COMMD1: variants seen among roughly 807,000 people sequenced by gnomAD.
COMMD1 encodes COMM domain-containing protein 1.
Under a neutral mutation model 17.2 loss-of-function variants are expected in COMMD1, and 10 were observed. The observed-to-expected ratio is 0.58, with a 90% CI of 0.36 to 0.99. The LOEUF (loss-of-function observed/expected upper bound fraction) is 0.99. COMMD1 is among the 50% of genes least tolerant of loss of function. The pLI is 0.01. For missense variants in COMMD1, 270 were observed against 231.8 expected (o/e 1.17, Z -1.07); for synonymous variants, 97 against 91.6 (o/e 1.06, Z -0.34).
intron 1 of COMMD1, among the ~76,000 whole-genome samples, chr2:61,920,156 A>G (rs765658106): frequency 6.6e-6 from 1 of 152,074 alleles, no homozygotes; most frequent in Non-Finnish European, 1.5e-5. Context: ...ATGTCATTTA[A>G]ATTTCCACAG....
chr2:61,931,227 A>G (rs1572974104), intron 1 of COMMD1, among the ~76,000 whole-genome samples: 1 of 152,068 alleles, frequency 6.6e-6, no homozygotes, highest in Non-Finnish European at 1.5e-5. Flanking sequence ...TGAGAGGGTC[A>G]CTTGAACCCA....
rs1421552536 is a variant in COMMD1 at position 61,961,599 on chromosome 2, A to G, written c.181-39102A>G. The stretch of plus-strand genomic sequence containing the variant: ...GTTTCCCATTTCTCACAATTCTGAG[A>G]AATCTTTTTGTATAATTTATTGGAT... On this transcript the variant is annotated intron_variant, in intron 1 of 2. Transcript: ENST00000311832. 2.0e-5 allele frequency among the ~76,000 whole-genome samples: 3 copies of G among 152,152 alleles called. No homozygotes were observed. The East Asian group carries it at 5.8e-4, about 29-fold the overall frequency.
At chr2:62,002,052 C>T (rs1668961157) in intron 2 of COMMD1, among the ~76,000 whole-genome samples, 1 of 152,104 alleles carries the variant, frequency 6.6e-6, no homozygotes, top group African/African-American at 2.4e-5. Flanking sequence ...TGCCTGTAAT[C>T]CTAGCTACTT....
At chr2:61,970,390 C>T (rs1352596476) in intron 1 of COMMD1, among the ~76,000 whole-genome samples, 1 of 151,946 alleles carries the variant, frequency 6.6e-6, no homozygotes, top group Non-Finnish European at 1.5e-5. Flanking sequence ...TCTAGGATCT[C>T]GAAAATCCTC....
At chr2:62,131,818 C>T (rs907890976) in intron 2 of COMMD1, among the ~76,000 whole-genome samples, 6 of 152,008 alleles carry the variant, frequency 3.9e-5, no homozygotes, top group African/African-American at 1.2e-4. Flanking sequence ...GCTGGGATTA[C>T]AGGCATGAGC....
rs527776670 is a variant in COMMD1 at position 61,899,360 on chromosome 2, C to A, written n.119+10518C>A. Among the ~76,000 whole-genome samples the A allele has an allele frequency of 1.2e-3, 190 of 152,284 alleles. 1 individual carries two copies. Among genetic ancestry groups the A allele is most frequent in the African/African-American group, 3.0e-3 (124 of 41,560 alleles). ...TAATTTTTATCTTCCTTTAGCCTCC[C>A]CACATAGTTTAGTTACTTTTCTGCC... is the stretch of plus-strand genomic sequence containing the variant. On this transcript the variant is annotated intron_variant and non_coding_transcript_variant, in intron 1 of 2. Coordinates refer to the COMMD1 transcript ENST00000472729.
chr2:61,891,370 T>C (rs1016968350), intron 1 of COMMD1, among the ~76,000 whole-genome samples: 1 of 152,224 alleles, frequency 6.6e-6, no homozygotes, highest in African/African-American at 2.4e-5. Flanking sequence ...TAAATAAATG[T>C]TAAACATCGG....
At chr2:61,906,477 T>C (rs1021552114) in intron 1 of COMMD1, among the ~76,000 whole-genome samples, 1 of 152,214 alleles carries the variant, frequency 6.6e-6, no homozygotes, top group African/African-American at 2.4e-5. Flanking sequence ...ATTGACAAGA[T>C]TTTTTGTTAC....
intron 2 of COMMD1, among the ~76,000 whole-genome samples, chr2:62,065,831 A>G (rs187634301): frequency 6.6e-6 from 1 of 152,338 alleles, no homozygotes; most frequent in East Asian, 1.9e-4. Flanking sequence ...ATTTAGGAGG[A>G]ACCATTTAAT....
intron 1 of COMMD1, among the ~76,000 whole-genome samples, chr2:61,976,634 T>G (rs1671810273): frequency 6.6e-6 from 1 of 152,160 alleles, no homozygotes; most frequent in East Asian, 1.9e-4. Flanking sequence ...AGGATATAGC[T>G]GAAGTGAACA....
rs149211271 is a variant in COMMD1, at chr2:61,987,954, C to A, written c.181-12747C>A. Among the ~76,000 whole-genome samples the A allele has an allele frequency of 3.3e-3, 510 of 152,294 alleles. 1 individual carries two copies. Among genetic ancestry groups the A allele is most frequent in the African/African-American group, 0.011 (452 of 41,568 alleles). Reference sequence around the variant, plus strand: ...GAGAGCCTCTGCCTGTATCTGCCACCATCAAAGGCCCATAGGAAGTATTGC... The same window carrying A: ...GAGAGCCTCTGCCTGTATCTGCCACAATCAAAGGCCCATAGGAAGTATTGC... On this transcript the variant is annotated intron_variant, in intron 1 of 2. Coordinates refer to ENST00000311832, the MANE Select transcript of COMMD1 (RefSeq NM_152516.4).
chr2:61,983,674 A>G (rs1297541633), intron 1 of COMMD1, among the ~76,000 whole-genome samples: 1 of 152,036 alleles, frequency 6.6e-6, no homozygotes, highest in Non-Finnish European at 1.5e-5. Context: ...TTTCTGCGGT[A>G]TCAGTTGTAA....
At chr2:61,986,564 CTTTTTTTTTTT>C (rs70946773) in intron 1 of COMMD1, among the ~76,000 whole-genome samples, 5 of 94,570 alleles carry the variant, frequency 5.3e-5, no homozygotes, top group Admixed American at 4.6e-4. Context: ...AGGCATCATT[CTTTTTTTTTTT>C]TTTTTTTTTT....
chr2:62,045,913 T>C (rs1195813340), intron 2 of COMMD1, among the ~76,000 whole-genome samples: 1 of 151,116 alleles, frequency 6.6e-6, no homozygotes, highest in Non-Finnish European at 1.5e-5. Flanking sequence ...ATTTTTGTAT[T>C]TTCAGTAGAG....
intron 1 of COMMD1, among the ~76,000 whole-genome samples, chr2:61,987,105 C>A (rs1351511219): frequency 6.6e-6 from 1 of 152,118 alleles, no homozygotes; most frequent in African/African-American, 2.4e-5. Flanking sequence ...TCTTGAATTT[C>A]TTCAAGTTTT....
At chr2:61,923,221 T>C (rs1670240966) in intron 1 of COMMD1, among the ~76,000 whole-genome samples, 1 of 152,146 alleles carries the variant, frequency 6.6e-6, no homozygotes, top group Non-Finnish European at 1.5e-5. Context: ...TTCATTAGAT[T>C]AGGTGTAGTC....
At position 61,995,735 on chromosome 2, in the gene COMMD1, T is replaced by C. The variant is rs1455918934; in HGVS notation, c.181-4966T>C. Among the ~76,000 whole-genome samples, 12 of 152,232 alleles carry C rather than the reference T, an allele frequency of 7.9e-5. 1 individual carries two copies. Among genetic ancestry groups the C allele is most frequent in the Admixed American group, 7.9e-4 (12 of 15,280 alleles). On this transcript the variant is annotated intron_variant, in intron 1 of 2. Coordinates refer to ENST00000311832, the MANE Select transcript of COMMD1 (RefSeq NM_152516.4). ...CTTTGGCCCTGCACTTATCTCATGG[T>C]GCTTTCAGAAAAATCAGTTGACTGC...
At chr2:61,916,408 T>A (rs1002086827) in intron 1 of COMMD1, among the ~76,000 whole-genome samples, 1 of 152,130 alleles carries the variant, frequency 6.6e-6, no homozygotes, top group Admixed American at 6.5e-5. Context: ...TACATAACTT[T>A]CTGCATTTTG....
intron 1 of COMMD1, among the ~76,000 whole-genome samples, chr2:61,952,419 T>C (rs936498033): frequency 1.6e-4 from 25 of 152,186 alleles, no homozygotes; most frequent in African/African-American, 2.4e-5. Flanking sequence ...ATCACTAATG[T>C]AGAACCTAAG....
Sources: allele counts gnomAD v4.1 joint callset (sites outside exome capture counted in the v4.1 genomes callset), GRCh38; gene constraint gnomAD v4.1.1; transcripts MANE v1.5; gene names NCBI Gene and HGNC (gene_info 2026-07-23, HGNC 2026-07-21).